PLCB1: variants seen among roughly 807,000 people sequenced by gnomAD.
PLCB1 encodes the protein 1-phosphatidylinositol 4,5-bisphosphate phosphodiesterase beta-1.
PLCB1 carries 46 observed loss-of-function variants against 161.8 expected under a neutral mutation model. The ratio of observed to expected loss-of-function variants is 0.28; its 90% CI spans 0.22 to 0.36. PLCB1 has a LOEUF of 0.36. Among genes scored for constraint, PLCB1 ranks in the 10% least tolerant of loss-of-function variants. PLCB1 has a pLI of 1.00. For missense variants in PLCB1, 1,016 were observed against 1,472.5 expected (o/e 0.69, Z 5.07); for synonymous variants, 517 against 503.7 (o/e 1.03, Z -0.35).
intron 3 of PLCB1, among the ~76,000 whole-genome samples, chr20:8,426,386 G>A (rs1234300817): frequency 1.3e-5 from 2 of 152,186 alleles, no homozygotes; most frequent in African/African-American, 4.8e-5. Flanking sequence ...ACGCGCACTG[G>A]TTTTGCTTAT....
intron 2 of PLCB1, among the ~76,000 whole-genome samples, chr20:8,368,072 G>A (rs1028015766): frequency 6.6e-6 from 1 of 152,256 alleles, no homozygotes; most frequent in South Asian, 2.1e-4. Context: ...AATGAATCCT[G>A]GAAGTGGAAT....
At chr20:8,577,100 G>A (rs1986693854) in intron 3 of PLCB1, among the ~76,000 whole-genome samples, 1 of 152,114 alleles carries the variant, frequency 6.6e-6, no homozygotes. Flanking sequence ...ATCAAGTCAT[G>A]TATTATTTGT....
chr20:8,222,664 C>T (rs1979475449), intron 2 of PLCB1, among the ~76,000 whole-genome samples: 1 of 152,058 alleles, frequency 6.6e-6, no homozygotes, highest in Non-Finnish European at 1.5e-5. Flanking sequence ...TATCTTGTCC[C>T]ACTCTCTGTC....
intron 17 of PLCB1, among the ~76,000 whole-genome samples, 155 bp downstream of exon 17, chr20:8,727,548 G>A (rs1283274693): frequency 6.6e-6 from 1 of 152,022 alleles, no homozygotes; most frequent in South Asian, 2.1e-4. Flanking sequence ...ATACAATGCT[G>A]GGCGGGGTAG....
intron 2 of PLCB1, among the ~76,000 whole-genome samples, chr20:8,350,696 A>G (rs1015061692): frequency 1.3e-5 from 2 of 152,204 alleles, no homozygotes; most frequent in Non-Finnish European, 2.9e-5. Context: ...GAAATAATTG[A>G]CATTACCACC....
At chr20:8,868,359 T>C (rs969859610) in intron 31 of PLCB1, among the ~76,000 whole-genome samples, 10 of 146,560 alleles carry the variant, frequency 6.8e-5, no homozygotes, top group African/African-American at 2.2e-4. Context: ...TATTGTATTA[T>C]GAAGAGGACA....
At chr20:8,547,386 A>C (rs78222221) in intron 3 of PLCB1, among the ~76,000 whole-genome samples, 2,183 of 152,312 alleles carry the variant, frequency 0.014, 60 homozygotes, top group African/African-American at 0.05. Flanking sequence ...ATAATACCTC[A>C]AGCTGAGACT....
chr20:8,340,084 G>A (rs560870842), intron 2 of PLCB1, among the ~76,000 whole-genome samples: 1 of 152,302 alleles, frequency 6.6e-6, no homozygotes, highest in South Asian at 2.1e-4. Context: ...CCCTCCTGTT[G>A]TACTTCCTAC....
chr20:8,244,080 G>T (rs1198392035), intron 2 of PLCB1, among the ~76,000 whole-genome samples: 2 of 151,878 alleles, frequency 1.3e-5, no homozygotes, highest in African/African-American at 4.8e-5. Context: ...CATGTCCACT[G>T]GAATGGCAAA....
intron 3 of PLCB1, among the ~76,000 whole-genome samples, chr20:8,627,312 A>G (rs772986211): frequency 7.2e-5 from 11 of 152,212 alleles, no homozygotes; most frequent in South Asian, 2.1e-4. Context: ...TTTTTTAAAC[A>G]TCTACTATTT....
intron 31 of PLCB1, among the ~76,000 whole-genome samples, chr20:8,831,908 CTTTCTCTTTCTTTCTTTCTTTCTT>C (rs1986004961): frequency 5.6e-5 from 4 of 72,040 alleles, no homozygotes; most frequent in African/African-American, 1.7e-4. Flanking sequence ...CCCTCTCTTT[CTTTCTCTTTCTTTCTTTCTTTCTT>C]TCTTTCTTTC....
intron 3 of PLCB1, among the ~76,000 whole-genome samples, chr20:8,435,303 A>G (rs1037924008): frequency 2.6e-5 from 4 of 152,212 alleles, no homozygotes; most frequent in Non-Finnish European, 4.4e-5. Flanking sequence ...TGCCCTGCCC[A>G]TTAAGTGTGG....
intron 3 of PLCB1, among the ~76,000 whole-genome samples, chr20:8,400,849 A>G (rs993144917): frequency 2.0e-5 from 3 of 152,172 alleles, no homozygotes; most frequent in African/African-American, 4.8e-5. Context: ...ATATATATGT[A>G]TATATAAAAT....
intron 23 of PLCB1, among the ~76,000 whole-genome samples, chr20:8,752,547 C>A (rs1419356493): frequency 4.6e-5 from 7 of 152,036 alleles, no homozygotes; most frequent in African/African-American, 1.7e-4. Context: ...TAATCCAGCA[C>A]TTTGGGAGAC....
At chr20:8,490,641 G>A (rs1025634553) in intron 3 of PLCB1, among the ~76,000 whole-genome samples, 46 of 152,204 alleles carry the variant, frequency 3.0e-4, no homozygotes, top group Middle Eastern at 6.8e-3. Context: ...TTGTATGACA[G>A]CATCTTTTTA....
intron 3 of PLCB1, among the ~76,000 whole-genome samples, chr20:8,484,803 G>A (rs191961209): frequency 6.6e-6 from 1 of 152,086 alleles, no homozygotes; most frequent in African/African-American, 2.4e-5. Context: ...GTTGTTTCTT[G>A]TTCACTTCCA....
chr20:8,619,737 A>C (rs1209037391), intron 3 of PLCB1, among the ~76,000 whole-genome samples: 1 of 152,186 alleles, frequency 6.6e-6, no homozygotes, highest in East Asian at 1.9e-4. Context: ...CACTCTTTAA[A>C]TTAAGCTTCC....
At chr20:8,233,463 C>T (rs1980170963) in intron 2 of PLCB1, among the ~76,000 whole-genome samples, 1 of 152,118 alleles carries the variant, frequency 6.6e-6, no homozygotes, top group African/African-American at 2.4e-5. Context: ...CTTGGTGAGG[C>T]AGACAGGCAT....
intron 3 of PLCB1, among the ~76,000 whole-genome samples, chr20:8,510,868 A>C (rs1327990581): frequency 2.0e-5 from 3 of 152,146 alleles, no homozygotes; most frequent in Non-Finnish European, 2.9e-5. Flanking sequence ...TTTTATTTAT[A>C]ATTGGCAAAT....
Sources: allele counts gnomAD v4.1 joint callset (sites outside exome capture counted in the v4.1 genomes callset), GRCh38; gene constraint gnomAD v4.1.1; transcripts MANE v1.5; gene names NCBI Gene and HGNC (gene_info 2026-07-23, HGNC 2026-07-21).